Variants in CPSF4 observed in about 807,000 individuals in gnomAD.
CPSF4 encodes cleavage and polyadenylation specificity factor subunit 4.
Under a neutral mutation model 37.7 loss-of-function variants are expected in CPSF4, and 11 were observed. The observed-to-expected ratio is 0.29, with a 90% CI of 0.18 to 0.48. CPSF4 has a LOEUF of 0.48. Ranked by LOEUF, CPSF4 falls within the 20% of genes least tolerant of loss-of-function variation. The pLI is 0.99. For missense variants in CPSF4, 144 were observed against 359.5 expected (o/e 0.40, Z 4.85); for synonymous variants, 132 against 135.9 (o/e 0.97, Z 0.20).
At chr7:99,445,561 T>C (rs1292342475) in intron 2 of CPSF4, among the ~76,000 whole-genome samples, 1 of 152,190 alleles carries the variant, frequency 6.6e-6, no homozygotes, top group African/African-American at 2.4e-5. Context: ...CTTTTAATAA[T>C]TGTATGTGGG....
At chr7:99,454,364 A>C (rs1798152881) in intron 7 of CPSF4, among the ~76,000 whole-genome samples, 1 of 152,214 alleles carries the variant, frequency 6.6e-6, no homozygotes, top group South Asian at 2.1e-4. Context: ...ACGCCTGCCT[A>C]GTGAATGGAC....
intron 3 of CPSF4, 81 bp from the exon 4 acceptor site, chr7:99,450,195 A>C: frequency 9.2e-7 from 1 of 1,085,858 alleles, no homozygotes; most frequent in Non-Finnish European, 1.4e-6. Context: ...ACTGGACACC[A>C]GAACCTCTTT....
intron 1 of CPSF4, chr7:99,439,438 A>C: frequency 2.5e-6 from 1 of 393,206 alleles, no homozygotes; most frequent in Non-Finnish European, 4.5e-6. Context: ...TTCCCACTCC[A>C]TCCTGAGACC....
chr7:99,439,773 T>C (rs1453155529), intron 1 of CPSF4, among the ~76,000 whole-genome samples: 2 of 152,086 alleles, frequency 1.3e-5, no homozygotes, highest in Non-Finnish European at 2.9e-5. Flanking sequence ...TTGGAGGAGA[T>C]GTGCTGAGGG....
intron 2 of CPSF4, among the ~76,000 whole-genome samples, chr7:99,447,143 T>A (rs1045885770): frequency 6.6e-6 from 1 of 151,768 alleles, no homozygotes; most frequent in African/African-American, 2.4e-5. Flanking sequence ...ATTTATGTAG[T>A]GAAGACAAGA....
chr7:99,453,751 C>T lies in CPSF4; in HGVS notation c.571-215C>T, dbSNP rs553583628. 13 of 545,908 alleles carry T rather than the reference C, an allele frequency of 2.4e-5. No homozygotes were observed. The East Asian group carries it at 3.3e-4, about 14-fold the overall frequency. The allele number at this position is 545,908 out of a possible 1,614,324, so 33.8% of individuals were successfully genotyped here. A position where few individuals can be genotyped will look rare whatever the true frequency, so the allele number is the denominator to read the frequency against. On this transcript the variant is annotated intron_variant, in intron 6 of 7. Transcript: ENST00000292476. This position sits in a 1 kb window ranked among gnomAD's most constrained non-coding sequence, Gnocchi z 4.7. ...ATGTTTTGTTTTCTATTTTATTTTTCGTTTTTGTGTGTCTGCATGGTGTTT... is the reference window on the plus strand; with the variant it reads ...ATGTTTTGTTTTCTATTTTATTTTTTGTTTTTGTGTGTCTGCATGGTGTTT...
chr7:99,450,884 G>C (rs1797885176), intron 5 of CPSF4, 89 bp downstream of exon 5: 1 of 923,152 alleles, frequency 1.1e-6, no homozygotes, highest in Non-Finnish European at 1.7e-6. Context: ...CTGGGCCTTG[G>C]TCACTGGGTG....
rs1798046192 is a variant in CPSF4, at chr7:99,453,053, A to C, written c.570+613A>C. 1 of 152,390 alleles carries C rather than the reference A, an allele frequency of 6.6e-6. No homozygotes were observed. The highest frequency in any genetic ancestry group is 2.4e-5 in the African/African-American group (1 of 41,458). 9.4% of individuals were successfully genotyped at this position (152,390 alleles called of 1,614,324 possible). A position where few individuals can be genotyped will look rare whatever the true frequency, so the allele number is the denominator to read the frequency against. On this transcript the variant is annotated intron_variant, in intron 6 of 7. Coordinates refer to ENST00000292476, the MANE Select transcript of CPSF4 (RefSeq NM_006693.4). This position sits in a 1 kb window ranked among gnomAD's most constrained non-coding sequence, Gnocchi z 4.7. Reference sequence around the variant, plus strand: ...ACAAGGAGAGGGGGAAATGCTGTAGACACATGGGGATCTGCAGCAGCCTCT... The same window carrying C: ...ACAAGGAGAGGGGGAAATGCTGTAGCCACATGGGGATCTGCAGCAGCCTCT...
intron 7 of CPSF4, 90 bp from the exon 8 acceptor site, chr7:99,456,342 G>A (rs1227203838): frequency 9.0e-7 from 1 of 1,114,010 alleles, no homozygotes; most frequent in African/African-American, 1.5e-5. Context: ...GGATGATTTG[G>A]GATTTGGTGG....
rs766003852 is a variant in CPSF4, at chr7:99,450,683, C to T, written c.404-19C>T. ...CTGGTAGAGGGGACATCTAAGTGAC[C>T]GGACACTTGGCTCTGCAGGTCCCCT... On this transcript the variant is annotated intron_variant, in intron 4 of 7. Transcript: ENST00000292476. 98 of 1,592,740 alleles carry T rather than the reference C, an allele frequency of 6.2e-5. No homozygotes were observed. Among genetic ancestry groups the T allele is most frequent in the Non-Finnish European group, 7.6e-5 (88 of 1,160,696 alleles).
At chr7:99,439,223 C>T (rs1796649060) in intron 1 of CPSF4, 38 bp downstream of exon 1, 6 of 1,470,484 alleles carry the variant, frequency 4.1e-6, no homozygotes, top group Non-Finnish European at 4.6e-6. Context: ...AAGAGCGACT[C>T]GAACCCGGGA....
chr7:99,441,654 TA>T (rs1377557240), intron 1 of CPSF4, among the ~76,000 whole-genome samples: 1 of 152,164 alleles, frequency 6.6e-6, no homozygotes, highest in Non-Finnish European at 1.5e-5. Flanking sequence ...GAAGCAACTC[TA>T]ACCTCTAAAG....
At chr7:99,441,726 T>C (rs1447643447) in intron 1 of CPSF4, among the ~76,000 whole-genome samples, 1 of 152,030 alleles carries the variant, frequency 6.6e-6, no homozygotes, top group Non-Finnish European at 1.5e-5. Context: ...AGAGTCTTGC[T>C]CTGTTACCCA....
intron 2 of CPSF4, among the ~76,000 whole-genome samples, chr7:99,445,762 T>C (rs1797441094): frequency 6.6e-6 from 1 of 152,114 alleles, no homozygotes; most frequent in Non-Finnish European, 1.5e-5. Context: ...CGCCCGTCTG[T>C]AATCCCAGCT....
chr7:99,455,208 G>T (rs148575430), intron 7 of CPSF4, among the ~76,000 whole-genome samples: 1 of 152,186 alleles, frequency 6.6e-6, no homozygotes, highest in East Asian at 1.9e-4. Context: ...GACCGCCCCT[G>T]TCCACAGCCT....
At position 99,456,527 on chromosome 7, in the gene CPSF4, C is replaced by A; in HGVS notation, c.*27C>A. 6.2e-7 allele frequency: 1 copy of A among 1,604,048 alleles called. No individual in the cohort carries two copies. The highest frequency in any genetic ancestry group is 1.3e-5 in the African/African-American group (1 of 74,850). The stretch of plus-strand genomic sequence containing the variant: ...AGCAGCTGGAGCCAGCTCCGAGCAG[C>A]CCGGGGGCCCCGCTGTTGGGAGTGT... On this transcript the variant is annotated 3_prime_UTR_variant, in exon 8 of 8. Transcript: ENST00000292476.
At chr7:99,447,852 C>T (rs1222282592) in intron 2 of CPSF4, 4 of 517,928 alleles carry the variant, frequency 7.7e-6, no homozygotes, top group African/African-American at 5.7e-5. Flanking sequence ...CCTTGTGATC[C>T]GCCCACCTCG....
At chr7:99,452,947 A>C (rs1046136803) in intron 6 of CPSF4, 2 of 153,444 alleles carry the variant, frequency 1.3e-5, no homozygotes, top group African/African-American at 4.8e-5. Flanking sequence ...GGTTGGGAGG[A>C]GGCGCGAGAA....
Position 99,448,349 on chromosome 7 carries a change from A to G in CPSF4, c.307+76A>G, listed in dbSNP as rs1797686420. ...GGTCCGCTGGCTGCTCAGTGCCCAC[A>G]CTGTCTCTGCCTGCTTTTCCCATCT... On this transcript the variant is annotated intron_variant, in intron 3 of 7. Transcript: ENST00000292476. This position sits in a 1 kb window ranked among gnomAD's most constrained non-coding sequence, Gnocchi z 4.4. 4 of 1,477,852 alleles carry G rather than the reference A, an allele frequency of 2.7e-6. No homozygotes were observed. Among genetic ancestry groups the G allele is most frequent in the Non-Finnish European group, 3.7e-6 (4 of 1,084,244 alleles). 91.5% of individuals were successfully genotyped at this position (1,477,852 alleles called of 1,614,324 possible). A position where few individuals can be genotyped will look rare whatever the true frequency, so the allele number is the denominator to read the frequency against.
Sources: gnomAD v4.1 joint callset for allele counts (sites outside exome capture counted in the v4.1 genomes callset) on GRCh38, gnomAD v4.1.1 for gene constraint, Gnocchi (gnomAD v3.1) non-coding constraint, MANE v1.5 for transcripts, NCBI Gene and HGNC (gene_info 2026-07-23, HGNC 2026-07-21) for gene names.